RASGRP1: variants seen among roughly 807,000 people sequenced by gnomAD.
RASGRP1 encodes the protein RAS guanyl releasing protein 1, also known as RAS guanyl-releasing protein 1.
Under a neutral mutation model 95.1 loss-of-function variants are expected in RASGRP1, and 37 were observed. The ratio of observed to expected loss-of-function variants is 0.39; its 90% CI spans 0.30 to 0.51. RASGRP1 has a LOEUF of 0.51. Among genes scored for constraint, RASGRP1 ranks in the 20% least tolerant of loss-of-function variants. RASGRP1 has a pLI of 0.80. For missense variants in RASGRP1, 711 were observed against 965.4 expected, an observed-to-expected ratio of 0.74 and a Z score of 3.49; for synonymous variants, 325 against 353.4, an observed-to-expected ratio of 0.92 and a Z score of 0.90.
chr15:38,489,272 A>G lies in RASGRP1; in HGVS notation c.*1282T>C, dbSNP rs1890477612. ...TGATTTTTTTTTTTTTAAGAGAACTAAAAAGAGGCTGACAAATGAATTTGT... is the reference window on the plus strand; with the variant it reads ...TGATTTTTTTTTTTTTAAGAGAACTGAAAAGAGGCTGACAAATGAATTTGT... On this transcript the variant is annotated 3_prime_UTR_variant, in exon 17 of 17. Coordinates refer to ENST00000310803, the MANE Select transcript of RASGRP1 (RefSeq NM_005739.4). 6.6e-6 allele frequency: 1 copy of G among 151,904 alleles called. No homozygotes were observed. Among genetic ancestry groups the G allele is most frequent in the Admixed American group, 6.6e-5 (1 of 15,260 alleles). The allele number at this position is 151,904 out of a possible 1,614,324, so 9.4% of individuals were successfully genotyped here. A position where few individuals can be genotyped will look rare whatever the true frequency, so the allele number is the denominator to read the frequency against.
intron 2 of RASGRP1, among the ~76,000 whole-genome samples, chr15:38,543,841 T>A (rs1329008098): frequency 2.0e-5 from 3 of 152,088 alleles, no homozygotes; most frequent in Non-Finnish European, 4.4e-5. Flanking sequence ...TTATAATAGC[T>A]GCTTTAAATT....
In RASGRP1 at chr15:38,513,239, T is replaced by C. The variant is rs1228335526; in HGVS notation, c.676-283A>G. Among the ~76,000 whole-genome samples, 5 of 152,338 alleles carry C rather than the reference T, an allele frequency of 3.3e-5. No individual in the cohort carries two copies. The South Asian group carries it at 6.2e-4, about 19-fold the overall frequency. ...AGTTAATCCAAATGCTGTATTTCAG[T>C]AGATATTGTTACTGACTATTCTAAA... On this transcript the variant is annotated intron_variant, in intron 6 of 16. Coordinates refer to ENST00000310803, the MANE Select transcript of RASGRP1 (RefSeq NM_005739.4).
intron 3 of RASGRP1, among the ~76,000 whole-genome samples, chr15:38,523,391 T>A (rs555989928): frequency 5.3e-5 from 8 of 152,296 alleles, no homozygotes; most frequent in Admixed American, 5.2e-4. Flanking sequence ...ACATTAAACA[T>A]TTTTAAAACA....
At chr15:38,550,462 A>G (rs1429708262) in intron 2 of RASGRP1, among the ~76,000 whole-genome samples, 1 of 152,190 alleles carries the variant, frequency 6.6e-6, no homozygotes, top group African/African-American at 2.4e-5. Flanking sequence ...ATTAGCATGT[A>G]GCATTGAAAA....
chr15:38,490,643 G>T lies in RASGRP1; in HGVS notation c.2305C>A (p.Leu769Met), dbSNP rs750535294. 3.1e-6 allele frequency: 5 copies of T among 1,612,456 alleles called. No homozygotes were observed. The highest frequency in any genetic ancestry group is 1.3e-5 in the African/African-American group (1 of 74,856). Residue 769 changes from leucine (L) to methionine (M), a missense_variant, in exon 17 of 17, where the codon CTG (leucine) becomes ATG (methionine). This residue lies in a region of RASGRP1 where 212 missense variants were observed against 247.8 expected (regional missense o/e 0.86). Transcript: ENST00000310803. ...TCTATTTTCTTCTGTGCATATTTCA[G>T]TTGGATCTTTAGGGCATCATTATCT... ...KADNDALKIQ[L>M]KYAQKKIESL... is the part of the protein sequence containing the mutation.
intron 2 of RASGRP1, chr15:38,534,586 C>T (rs553606728): frequency 1.1e-4 from 17 of 152,366 alleles, no homozygotes; most frequent in African/African-American, 3.8e-4. Context: ...TACAACAGGC[C>T]TTTAAGCGGA....
In RASGRP1 at chr15:38,507,802, T is replaced by C. The variant is rs374625898; in HGVS notation, c.1166A>G (p.His389Arg). The C allele has an allele frequency of 2.2e-5, 36 of 1,611,800 alleles. No individual in the cohort carries two copies. Among genetic ancestry groups the C allele is most frequent in the African/African-American group, 4.0e-5 (3 of 74,862 alleles). Residue 389 changes from histidine (H) to arginine (R), a missense_variant, in exon 9 of 17, where the codon CAT becomes CGT. By Grantham distance (29) the His-to-Arg change is conservative. This residue lies in a region of RASGRP1 where 491 missense variants were observed against 676.6 expected (regional missense o/e 0.73). Transcript: ENST00000310803. ...TTGCAGCTGGACCAATTCACTGATATGATTGTATAGGGCCAGTAGCTTATG... is the reference window on the plus strand; with the variant it reads ...TTGCAGCTGGACCAATTCACTGATACGATTGTATAGGGCCAGTAGCTTATG... The part of the protein sequence containing the change: ...NVHKLLALYN[H>R]ISELVQLQEV...
intron 2 of RASGRP1, among the ~76,000 whole-genome samples, chr15:38,539,489 C>T (rs1448238090): frequency 1.3e-5 from 2 of 151,888 alleles, no homozygotes; most frequent in Non-Finnish European, 2.9e-5. Flanking sequence ...AATTATCACC[C>T]TGGTTATTTT....
chr15:38,542,803 G>C (rs1167946102), intron 2 of RASGRP1, among the ~76,000 whole-genome samples: 1 of 142,064 alleles, frequency 7.0e-6, no homozygotes, highest in African/African-American at 2.6e-5. Flanking sequence ...AGCATAAAAT[G>C]AAGTTCTTGT....
intron 2 of RASGRP1, among the ~76,000 whole-genome samples, chr15:38,527,692 ACT>A (rs1892276242): frequency 1.3e-5 from 2 of 152,062 alleles, no homozygotes; most frequent in Non-Finnish European, 2.9e-5. Context: ...TATCATGTTC[ACT>A]CTGCTTCAAA....
chr15:38,515,978 G>A (rs1891761517), intron 6 of RASGRP1, among the ~76,000 whole-genome samples: 2 of 151,784 alleles, frequency 1.3e-5, no homozygotes, highest in African/African-American at 4.8e-5. Flanking sequence ...GATGGTATGG[G>A]GCGGGGGCAT....
At chr15:38,512,035 T>C (rs1161918268) in intron 7 of RASGRP1, among the ~76,000 whole-genome samples, 1 of 152,234 alleles carries the variant, frequency 6.6e-6, no homozygotes, top group East Asian at 1.9e-4. Flanking sequence ...CCAGACATTC[T>C]GATTGCCTGG....
chr15:38,505,432 CATT>C (rs1891214082), intron 10 of RASGRP1, among the ~76,000 whole-genome samples: 1 of 152,156 alleles, frequency 6.6e-6, no homozygotes, highest in African/African-American at 2.4e-5. Flanking sequence ...ATATTACTCT[CATT>C]ATCATCAATG....
At chr15:38,535,154 A>G (rs1892595014) in intron 2 of RASGRP1, among the ~76,000 whole-genome samples, 1 of 152,064 alleles carries the variant, frequency 6.6e-6, no homozygotes, top group South Asian at 2.1e-4. Flanking sequence ...AAATGAGAAA[A>G]CTGAAGCAAC....
intron 3 of RASGRP1, among the ~76,000 whole-genome samples, chr15:38,522,380 G>A (rs1892035980): frequency 6.6e-6 from 1 of 152,042 alleles, no homozygotes. Context: ...GAGTACATAG[G>A]CACTACATTG....
At chr15:38,538,549 C>T (rs2141161914) in intron 2 of RASGRP1, among the ~76,000 whole-genome samples, 1 of 152,328 alleles carries the variant, frequency 6.6e-6, no homozygotes, top group African/African-American at 2.4e-5. Context: ...TGTTTCAAGA[C>T]AGCCTTTACG....
chr15:38,538,781 A>G (rs538514327), intron 2 of RASGRP1, among the ~76,000 whole-genome samples: 1 of 152,266 alleles, frequency 6.6e-6, no homozygotes, highest in African/African-American at 2.4e-5. Context: ...CAACAGAGAG[A>G]TAATCCAGAG....
At chr15:38,529,808 C>T (rs1233604760) in intron 2 of RASGRP1, among the ~76,000 whole-genome samples, 2 of 152,148 alleles carry the variant, frequency 1.3e-5, no homozygotes, top group Non-Finnish European at 2.9e-5. Flanking sequence ...ATTGAGTTTG[C>T]TTTCGTCATT....
At chr15:38,548,572 T>G (rs1303902909) in intron 2 of RASGRP1, among the ~76,000 whole-genome samples, 1 of 152,078 alleles carries the variant, frequency 6.6e-6, no homozygotes, top group Admixed American at 6.5e-5. Context: ...AGACCCTGTC[T>G]CAAAAAAAGA....
Sources: allele counts gnomAD v4.1 joint callset (sites outside exome capture counted in the v4.1 genomes callset), GRCh38; gene constraint gnomAD v4.1.1; regional missense constraint gnomAD v4.1.1; transcripts MANE v1.5; gene names NCBI Gene and HGNC (gene_info 2026-07-23, HGNC 2026-07-21).